The following GRM5 variants were observed in gnomAD, a reference collection of about 807,000 sequenced individuals.
GRM5 encodes the protein glutamate metabotropic receptor 5.
In GRM5, 19 loss-of-function variants were observed where a neutral mutation model predicts 83.1. That is an observed-to-expected ratio of 0.23 (90% CI 0.16 to 0.34). The LOEUF is 0.34. Ranked by LOEUF, GRM5 falls within the 10% of genes least tolerant of loss-of-function variation. The probability of loss-of-function intolerance (pLI) is 1.00; values close to 1 mark genes in which losing one functional copy is unlikely to be tolerated. For missense variants in GRM5, 1,160 were observed against 1,588.3 expected (o/e 0.73, Z 4.58); for synonymous variants, 675 against 633.6 (o/e 1.07, Z -0.98).
intron 4 of GRM5, among the ~76,000 whole-genome samples, chr11:88,605,676 G>C (rs187693404): frequency 6.6e-6 from 1 of 152,154 alleles, no homozygotes; most frequent in Non-Finnish European, 1.5e-5. Flanking sequence ...ACAGTGAAAG[G>C]TAGAATATAA....
intron 8 of GRM5, among the ~76,000 whole-genome samples, chr11:88,537,827 C>T (rs915605062): frequency 1.3e-5 from 2 of 152,008 alleles, no homozygotes; most frequent in African/African-American, 4.8e-5. Flanking sequence ...AAAAACTGAG[C>T]ATGATTAATA....
intron 2 of GRM5, among the ~76,000 whole-genome samples, chr11:88,871,201 T>C (rs1193652407): frequency 6.6e-6 from 1 of 151,680 alleles, no homozygotes; most frequent in Non-Finnish European, 1.5e-5. Flanking sequence ...GAATGAAATA[T>C]TATCCTCATT....
chr11:88,684,186 T>C (rs906072824), intron 3 of GRM5, among the ~76,000 whole-genome samples: 1 of 152,198 alleles, frequency 6.6e-6, no homozygotes, highest in Non-Finnish European at 1.5e-5. Flanking sequence ...GGGAGACTAG[T>C]AAGAGATTAC....
chr11:88,527,325 C>G (rs1271512600), intron 8 of GRM5, among the ~76,000 whole-genome samples: 8 of 152,036 alleles, frequency 5.3e-5, no homozygotes, highest in Non-Finnish European at 1.2e-4. Flanking sequence ...GTTAAGAAAC[C>G]TACAGTCTTC....
chr11:88,745,192 A>C (rs28422836), intron 3 of GRM5, among the ~76,000 whole-genome samples: 88,201 of 131,776 alleles, frequency 0.67, 27,923 homozygotes, highest in South Asian at 0.87. Context: ...TTTTCTTTTT[A>C]TTTTTCTTTT....
chr11:88,858,705 A>G (rs1453290569), intron 2 of GRM5, among the ~76,000 whole-genome samples: 1 of 152,012 alleles, frequency 6.6e-6, no homozygotes, highest in Non-Finnish European at 1.5e-5. Context: ...CCCTCCAGCA[A>G]CTCTAGTTCA....
chr11:88,991,474 G>A (rs1338116606), intron 2 of GRM5, among the ~76,000 whole-genome samples: 42 of 151,834 alleles, frequency 2.8e-4, no homozygotes, highest in Admixed American at 2.4e-3. Flanking sequence ...TCCCCATCAA[G>A]CTACCAATGC....
chr11:88,799,660 T>G (rs1943351250), intron 3 of GRM5, among the ~76,000 whole-genome samples: 1 of 152,142 alleles, frequency 6.6e-6, no homozygotes. Context: ...GCTTTCAGCC[T>G]AAGTTTAAAT....
chr11:88,668,297 G>GCACACACACACA lies in GRM5; in HGVS notation c.912-14906_912-14895dup, dbSNP rs72052705. 2.7e-3 allele frequency among the ~76,000 whole-genome samples: 355 copies of GCACACACACACA among 130,084 alleles called. 3 individuals carry two copies. Among genetic ancestry groups the GCACACACACACA allele is most frequent in the African/African-American group, 4.5e-3 (151 of 33,590 alleles). The allele number at this position is 130,084 out of a possible 152,430, so 85.3% of individuals were successfully genotyped here. On this transcript the variant is annotated intron_variant, in intron 3 of 9. Coordinates refer to ENST00000305447, the MANE Select transcript of GRM5 (RefSeq NM_001143831.3). ...TTATTTAAAACATCCCCAGAAACTC[G>GCACACACACACA]CACACACACACACACACACACACAC...
At chr11:88,787,210 AAG>A (rs1943090392) in intron 3 of GRM5, among the ~76,000 whole-genome samples, 1 of 149,934 alleles carries the variant, frequency 6.7e-6, no homozygotes, top group South Asian at 2.1e-4. Context: ...TGCCCCTCTG[AAG>A]AGATAAGCTG....
At chr11:88,814,663 TC>T (rs1943639993) in intron 3 of GRM5, among the ~76,000 whole-genome samples, 1 of 151,958 alleles carries the variant, frequency 6.6e-6, no homozygotes, top group South Asian at 2.1e-4. Flanking sequence ...CTGAACTGCA[TC>T]CCAGAACAAA....
intron 4 of GRM5, among the ~76,000 whole-genome samples, chr11:88,649,587 G>C (rs1939578236): frequency 6.7e-6 from 1 of 148,844 alleles, no homozygotes; most frequent in African/African-American, 2.5e-5. Context: ...TAAGAATGAT[G>C]GCTAACTTCT....
chr11:88,616,543 C>T (rs1385800789), intron 4 of GRM5, among the ~76,000 whole-genome samples: 1 of 151,714 alleles, frequency 6.6e-6, no homozygotes. Context: ...ATTATGGTAG[C>T]TTAGTCCGGG....
At chr11:88,928,914 A>G (rs1391895128) in intron 2 of GRM5, among the ~76,000 whole-genome samples, 1 of 144,332 alleles carries the variant, frequency 6.9e-6, no homozygotes, top group Non-Finnish European at 1.5e-5. Context: ...ATATACACAC[A>G]CACACACACA....
chr11:88,579,666 T>G (rs1288711274), intron 7 of GRM5, among the ~76,000 whole-genome samples: 3 of 152,048 alleles, frequency 2.0e-5, no homozygotes, highest in Admixed American at 6.6e-5. Flanking sequence ...AAAAGACCAA[T>G]GTATTGGGAG....
chr11:88,626,776 G>A (rs1938808453), intron 4 of GRM5, among the ~76,000 whole-genome samples: 1 of 152,174 alleles, frequency 6.6e-6, no homozygotes, highest in African/African-American at 2.4e-5. Context: ...TAGGGTTAAT[G>A]TCCTTAAGAG....
intron 3 of GRM5, among the ~76,000 whole-genome samples, chr11:88,680,793 CTTA>C (rs1268483617): frequency 6.6e-6 from 1 of 152,184 alleles, no homozygotes; most frequent in African/African-American, 2.4e-5. Context: ...TTACATCACC[CTTA>C]TTGTTTTCCT....
intron 3 of GRM5, among the ~76,000 whole-genome samples, chr11:88,735,813 CACT>C (rs1165355443): frequency 6.6e-6 from 1 of 152,088 alleles, no homozygotes; most frequent in Non-Finnish European, 1.5e-5. Context: ...CTGTCCTTCA[CACT>C]ACTGATACAC....
At chr11:88,986,312 C>G (rs1694054208) in intron 2 of GRM5, among the ~76,000 whole-genome samples, 1 of 152,048 alleles carries the variant, frequency 6.6e-6, no homozygotes, top group South Asian at 2.1e-4. Flanking sequence ...AGATGGAGAA[C>G]AGATTGGTGG....
Sources: allele counts gnomAD v4.1 joint callset (sites outside exome capture counted in the v4.1 genomes callset), GRCh38; gene constraint gnomAD v4.1.1; transcripts MANE v1.5; gene names NCBI Gene and HGNC (gene_info 2026-07-23, HGNC 2026-07-21).